Variants in RFX4 observed in about 807,000 individuals in gnomAD.
RFX4 encodes the protein regulatory factor X4.
Under a neutral mutation model 95.0 loss-of-function variants are expected in RFX4, and 10 were observed. The ratio of observed to expected loss-of-function variants is 0.11; its 90% CI spans 0.06 to 0.18. The LOEUF (loss-of-function observed/expected upper bound fraction) is 0.18. RFX4 is among the 10% of genes least tolerant of loss of function. The probability of loss-of-function intolerance (pLI) is 1.00; values close to 1 mark genes in which losing one functional copy is unlikely to be tolerated. For synonymous variants in RFX4, 321 were observed against 340.7 expected (o/e 0.94, Z 0.64); for missense variants, 640 against 922.0 (o/e 0.69, Z 3.96).
chr12:106,594,665 C>T (rs552508602), intron 1 of RFX4, among the ~76,000 whole-genome samples: 3 of 152,088 alleles, frequency 2.0e-5, no homozygotes, highest in African/African-American at 7.2e-5. Context: ...GCACAGAGGC[C>T]GGCTGAGCCT....
At chr12:106,697,057 C>G (rs2041894089) in intron 8 of RFX4, among the ~76,000 whole-genome samples, 1 of 152,046 alleles carries the variant, frequency 6.6e-6, no homozygotes, top group African/African-American at 2.4e-5. Flanking sequence ...TTATCTGGCC[C>G]CCTTCCTGTG....
In RFX4 at chr12:106,583,356, TTCCACAGGTTAG is replaced by T; in HGVS notation, c.40_43+8del. On this transcript the variant is annotated splice_donor_variant and splice_donor_5th_base_variant and coding_sequence_variant and intron_variant, in exon 1 of 18. Transcript: ENST00000392842. LOFTEE classifies it high-confidence loss of function. ...GGTTACTGGAGGAACCCGACATGGA[TTCCACAGGTTAG>T]TCCTACTGGCGGGGTTGGGGGGATA... 6.3e-7 allele frequency: 1 copy of T among 1,585,064 alleles called. No individual in the cohort carries two copies. Among genetic ancestry groups the T allele is most frequent in the Non-Finnish European group, 8.6e-7 (1 of 1,169,576 alleles).
rs1024034481 is a variant in RFX4 at position 106,593,012 on chromosome 12, G to A, written c.43+9649G>A. Among the ~76,000 whole-genome samples, 38 of 152,272 alleles carry A rather than the reference G, an allele frequency of 2.5e-4. 2 individuals carry two copies. Among genetic ancestry groups the A allele is most frequent in the Admixed American group, 2.0e-3 (31 of 15,284 alleles). On this transcript the variant is annotated intron_variant, in intron 1 of 17. Transcript: ENST00000392842. ...AACTAGGGCTGGATTGACCTGTGCC[G>A]GGAGATTACGGAGTTTATGTGTGTC...
intron 17 of RFX4, among the ~76,000 whole-genome samples, chr12:106,759,311 C>T (rs2043168809): frequency 6.6e-6 from 1 of 151,934 alleles, no homozygotes; most frequent in African/African-American, 2.4e-5. Flanking sequence ...AGATGGGAAC[C>T]AGCTTGACAT....
chr12:106,629,172 AG>A (rs2040365345), intron 2 of RFX4, among the ~76,000 whole-genome samples: 1 of 152,318 alleles, frequency 6.6e-6, no homozygotes, highest in South Asian at 2.1e-4. Flanking sequence ...GAACATAGAA[AG>A]CGTCCTCATT....
intron 15 of RFX4, among the ~76,000 whole-genome samples, chr12:106,743,706 A>T (rs1175187248): frequency 6.6e-6 from 1 of 152,194 alleles, no homozygotes; most frequent in Admixed American, 6.5e-5. Flanking sequence ...GCTCACACAA[A>T]AGTAACTGCT....
At chr12:106,601,061 G>A in intron 1 of RFX4, 2 of 1,209,100 alleles carry the variant, frequency 1.7e-6, no homozygotes, top group Non-Finnish European at 2.2e-6. Context: ...TTTGGTAAAT[G>A]AGGGAAGGAA....
chr12:106,595,688 A>T (rs1473016338), intron 1 of RFX4, among the ~76,000 whole-genome samples: 2 of 152,212 alleles, frequency 1.3e-5, no homozygotes, highest in East Asian at 3.9e-4. Flanking sequence ...ACATGATTTC[A>T]CTTAGAATAG....
At chr12:106,635,429 T>C (rs4964477) in intron 2 of RFX4, among the ~76,000 whole-genome samples, 2 of 151,934 alleles carry the variant, frequency 1.3e-5, no homozygotes, top group African/African-American at 4.8e-5. Flanking sequence ...TCTTGTGCCT[T>C]AGCCACCCGA....
At chr12:106,675,303 T>C (rs1235426698) in intron 4 of RFX4, among the ~76,000 whole-genome samples, 1 of 152,102 alleles carries the variant, frequency 6.6e-6, no homozygotes, top group Non-Finnish European at 1.5e-5. Context: ...TGGTGGTGTA[T>C]GCCTGTAATC....
At chr12:106,737,798 C>G (rs2137579815) in intron 15 of RFX4, among the ~76,000 whole-genome samples, 1 of 152,302 alleles carries the variant, frequency 6.6e-6, no homozygotes, top group Admixed American at 6.5e-5. Context: ...TTTGGGTACA[C>G]AGCTAGAGAG....
At chr12:106,684,668 A>C in intron 5 of RFX4, 2 of 1,450,474 alleles carry the variant, frequency 1.4e-6, no homozygotes, top group Non-Finnish European at 1.8e-6. Flanking sequence ...ACCTGAAGCC[A>C]CCGGAACCAT....
chr12:106,714,068 C>CAAAAAAAAAAAAAAAAAAA lies in RFX4; in HGVS notation c.994-1327_994-1309dup, dbSNP rs58283896. 3.0e-3 allele frequency among the ~76,000 whole-genome samples: 91 copies of CAAAAAAAAAAAAAAAAAAA among 30,508 alleles called. 9 individuals are homozygous for CAAAAAAAAAAAAAAAAAAA. Among genetic ancestry groups the CAAAAAAAAAAAAAAAAAAA allele is most frequent in the African/African-American group, 3.9e-3 (25 of 6,482 alleles). 20.0% of individuals were successfully genotyped at this position (30,508 alleles called of 152,430 possible). On this transcript the variant is annotated intron_variant, in intron 10 of 17. Transcript: ENST00000392842. ...GGGCAACAAGAGTGAAACTCCATCT[C>CAAAAAAAAAAAAAAAAAAA]AAAAAAAAAAAAAAAAAAAAAAAGC...
chr12:106,607,531 T>C (rs1405748375), intron 1 of RFX4, among the ~76,000 whole-genome samples: 1 of 137,678 alleles, frequency 7.3e-6, no homozygotes, highest in African/African-American at 2.8e-5. Context: ...TGAACGTGAG[T>C]GTGTTCTGCA....
intron 17 of RFX4, among the ~76,000 whole-genome samples, chr12:106,754,438 GAGA>G (rs555333540): frequency 4.8e-4 from 73 of 152,370 alleles, no homozygotes; most frequent in African/African-American, 1.6e-3. Context: ...GGAGTACAGT[GAGA>G]AGGAGACAGA....
intron 13 of RFX4, among the ~76,000 whole-genome samples, chr12:106,726,132 C>A (rs1053802656): frequency 6.6e-6 from 1 of 151,838 alleles, no homozygotes; most frequent in Non-Finnish European, 1.5e-5. Context: ...ACTGTAATCC[C>A]AGCTACTTGG....
At chr12:106,713,198 T>C (rs2042223519) in intron 10 of RFX4, among the ~76,000 whole-genome samples, 1 of 152,126 alleles carries the variant, frequency 6.6e-6, no homozygotes, top group Admixed American at 6.5e-5. Flanking sequence ...ACACAGCAAG[T>C]CAGACTAAAC....
chr12:106,606,871 G>A (rs1376497248), intron 1 of RFX4, among the ~76,000 whole-genome samples: 5 of 152,180 alleles, frequency 3.3e-5, no homozygotes, highest in Admixed American at 6.5e-5. Flanking sequence ...TTACTCGTCC[G>A]CGTGGCTTCT....
At chr12:106,745,963 A>G (rs1486877621) in intron 15 of RFX4, among the ~76,000 whole-genome samples, 6 of 152,242 alleles carry the variant, frequency 3.9e-5, no homozygotes, top group African/African-American at 1.2e-4. Flanking sequence ...GCGGTGGCTC[A>G]TGCCTCTAAT....
Sources: gnomAD v4.1 joint callset for allele counts (sites outside exome capture counted in the v4.1 genomes callset) on GRCh38, gnomAD v4.1.1 for gene constraint, MANE v1.5 for transcripts, NCBI Gene and HGNC (gene_info 2026-07-23, HGNC 2026-07-21) for gene names.